The following PAQR8 variants were observed in gnomAD, a reference collection of about 807,000 sequenced individuals.
PAQR8 encodes progestin and adipoQ receptor family member 8.
Under a neutral mutation model 25.2 loss-of-function variants are expected in PAQR8, and 17 were observed. The observed-to-expected ratio is 0.67, with a 90% CI of 0.46 to 1.01. PAQR8 has a LOEUF of 1.01. Ranked by LOEUF, PAQR8 falls within the 50% of genes least tolerant of loss-of-function variation. The probability of loss-of-function intolerance (pLI) is 0.00; values close to 1 mark genes in which losing one functional copy is unlikely to be tolerated. For missense variants in PAQR8, 392 were observed against 448.4 expected (o/e 0.87, Z 1.14); for synonymous variants, 204 against 190.6 (o/e 1.07, Z -0.58).
At chr6:52,366,154 A>G (rs1763349331) in intron 1 of PAQR8, among the ~76,000 whole-genome samples, 1 of 151,984 alleles carries the variant, frequency 6.6e-6, no homozygotes, top group East Asian at 1.9e-4. Flanking sequence ...TTTCAAGTTT[A>G]TAAATTTTAT....
Position 52,404,185 on chromosome 6 carries a change from C to A in PAQR8, c.972C>A (p.Cys324Ter). The part of the protein sequence containing the change: ...RHGPLSVHMA[C>*]LSFFFLAACS... ...GACCCCTATCTGTCCACATGGCCTG[C>A]CTCTCCTTCTTCTTCCTGGCTGCCT... is the stretch of plus-strand genomic sequence containing the variant. Residue 324 changes from cysteine (C) to a stop codon, truncating the protein, a stop_gained, in exon 2 of 2, where the codon TGC becomes TGA. Coordinates refer to ENST00000442253, the MANE Select transcript of PAQR8 (RefSeq NM_133367.5). LOFTEE classifies it high-confidence loss of function. The A allele has an allele frequency of 6.2e-7, 1 of 1,614,030 alleles. No homozygotes were observed. Among genetic ancestry groups the A allele is most frequent in the East Asian group, 2.2e-5 (1 of 44,862 alleles).
At chr6:52,371,250 C>T (rs1228184237) in intron 1 of PAQR8, among the ~76,000 whole-genome samples, 4 of 152,150 alleles carry the variant, frequency 2.6e-5, no homozygotes, top group Non-Finnish European at 5.9e-5. Flanking sequence ...CCAAAGACCA[C>T]TGAAGTCTTT....
chr6:52,403,523 TG>T lies in PAQR8; in HGVS notation c.313del (p.Ala105ArgfsTer47). ...WAFAEAEALP[W>X]ASTHSLPLLL... ...CTTTGCCGAGGCTGAGGCCTTGCCA[TG>T]GGCGTCTACCCACTCCCTGCCTCTG... On this transcript the variant is annotated frameshift_variant, in exon 2 of 2. Transcript: ENST00000442253. LOFTEE classifies it high-confidence loss of function. 6.2e-7 allele frequency: 1 copy of T among 1,614,080 alleles called. No individual in the cohort carries two copies. Among genetic ancestry groups the T allele is most frequent in the East Asian group, 2.2e-5 (1 of 44,884 alleles).
chr6:52,393,333 CTT>C (rs35079265), intron 1 of PAQR8, among the ~76,000 whole-genome samples: 262 of 111,170 alleles, frequency 2.4e-3, no homozygotes, highest in African/African-American at 8.1e-3. Flanking sequence ...CTTTCTCTCT[CTT>C]TTTTTTTTTT....
At chr6:52,387,499 T>C (rs1763646749) in intron 1 of PAQR8, among the ~76,000 whole-genome samples, 1 of 152,224 alleles carries the variant, frequency 6.6e-6, no homozygotes, top group South Asian at 2.1e-4. Context: ...CTAAAATCTT[T>C]GAAAAAATAT....
intron 1 of PAQR8, among the ~76,000 whole-genome samples, chr6:52,393,707 G>C (rs1449963145): frequency 6.6e-6 from 1 of 152,174 alleles, no homozygotes; most frequent in Non-Finnish European, 1.5e-5. Flanking sequence ...TAGGCACAAT[G>C]CTAATGATAA....
intron 1 of PAQR8, among the ~76,000 whole-genome samples, chr6:52,373,089 G>A (rs1414764116): frequency 2.0e-5 from 3 of 152,300 alleles, no homozygotes; most frequent in Admixed American, 1.3e-4. Flanking sequence ...TTGCATTACA[G>A]AATTGGATCC....
At chr6:52,365,176 AGGTAATGCCT>A (rs1483819739) in intron 1 of PAQR8, among the ~76,000 whole-genome samples, 1 of 152,044 alleles carries the variant, frequency 6.6e-6, no homozygotes, top group African/African-American at 2.4e-5. Flanking sequence ...CCCCAGCTGT[AGGTAATGCCT>A]GGTGCTTGAT....
intron 1 of PAQR8, among the ~76,000 whole-genome samples, chr6:52,365,973 A>T (rs551411876): frequency 6.6e-6 from 1 of 152,300 alleles, no homozygotes; most frequent in African/African-American, 2.4e-5. Flanking sequence ...TGAAAATATT[A>T]TTCTAACGAA....
intron 1 of PAQR8, among the ~76,000 whole-genome samples, chr6:52,399,566 A>G (rs981872580): frequency 1.3e-5 from 2 of 152,242 alleles, no homozygotes; most frequent in African/African-American, 4.8e-5. Context: ...GGATGCAGGA[A>G]TCGTCTGATT....
In PAQR8 at chr6:52,403,981, G is replaced by A. The variant is rs749354910; in HGVS notation, c.768G>A (p.Leu256=). ...ACACCCTCCAGATCCTCTTCTTCCT[G>A]GTTAGCGCTTATTTCTTCTCCTGCC... ...WYHTLQILFF[L]VSAYFFSCPV... is the part of the protein sequence containing the mutation. The change falls in exon 2 of 2, where the codon CTG becomes CTA. Residue 256 remains leucine (L), a synonymous_variant. Coordinates refer to ENST00000442253, the MANE Select transcript of PAQR8 (RefSeq NM_133367.5). 3.1e-6 allele frequency: 5 copies of A among 1,614,202 alleles called. No homozygotes were observed. The highest frequency in any genetic ancestry group is 4.5e-5 in the East Asian group (2 of 44,892).
intron 1 of PAQR8, among the ~76,000 whole-genome samples, chr6:52,388,086 T>C (rs937278147): frequency 6.6e-6 from 1 of 152,144 alleles, no homozygotes; most frequent in Non-Finnish European, 1.5e-5. Flanking sequence ...GTAAAAATAA[T>C]AGAAATAGGC....
Position 52,404,190 on chromosome 6 carries a change from C to G in PAQR8, c.977C>G (p.Ser326Cys), listed in dbSNP as rs1562435632. Residue 326 changes from serine (S) to cysteine (C), a missense_variant, in exon 2 of 2, where the codon TCC becomes TGC. Physicochemically the swap from Ser to Cys is moderately radical, Grantham distance 112 (BLOSUM62 -1). Transcript: ENST00000442253. ...CTATCTGTCCACATGGCCTGCCTCT[C>G]CTTCTTCTTCCTGGCTGCCTGCAGT... ...GPLSVHMACL[S>C]FFFLAACSAA... The G allele has an allele frequency of 1.2e-6, 2 of 1,613,994 alleles. No individual in the cohort carries two copies. The highest frequency in any genetic ancestry group is 1.1e-5 in the South Asian group (1 of 91,032).
At chr6:52,373,385 G>A (rs574171198) in intron 1 of PAQR8, among the ~76,000 whole-genome samples, 1 of 152,320 alleles carries the variant, frequency 6.6e-6, no homozygotes, top group African/African-American at 2.4e-5. Flanking sequence ...TAGCTGCCAA[G>A]GGAACTAAAA....
chr6:52,367,980 G>A (rs917480466), intron 1 of PAQR8, among the ~76,000 whole-genome samples: 1 of 152,156 alleles, frequency 6.6e-6, no homozygotes, highest in Admixed American at 6.5e-5. Flanking sequence ...TGTAATCCCA[G>A]CACTTTGGGA....
rs1055691570 is a variant in PAQR8, at chr6:52,384,349, G to C, written c.-52-18813G>C. Among the ~76,000 whole-genome samples the C allele has an allele frequency of 7.9e-5, 12 of 152,212 alleles. No homozygotes were observed. In the East Asian group the frequency reaches 2.3e-3, roughly 29 times the overall value. The stretch of plus-strand genomic sequence containing the variant: ...TACCTGGTGAGGGAAAAAATGAAAG[G>C]TGTAATCAAGGTGGGGCCAGGCAGG... On this transcript the variant is annotated intron_variant, in intron 1 of 1. Transcript: ENST00000442253.
intron 1 of PAQR8, among the ~76,000 whole-genome samples, chr6:52,381,676 C>G (rs1293224410): frequency 1.3e-5 from 2 of 152,150 alleles, no homozygotes; most frequent in Non-Finnish European, 2.9e-5. Flanking sequence ...TCTTATCCAC[C>G]CAATGTTTGA....
At chr6:52,364,081 A>ACGTTTTTTT (rs1763321812) in intron 1 of PAQR8, among the ~76,000 whole-genome samples, 2 of 39,032 alleles carry the variant, frequency 5.1e-5, no homozygotes, top group Admixed American at 4.0e-4. Flanking sequence ...ATTGAAAGAT[A>ACGTTTTTTT]TGTTTTTTTT....
chr6:52,374,049 T>TA (rs1335491428), intron 1 of PAQR8, among the ~76,000 whole-genome samples: 1 of 152,170 alleles, frequency 6.6e-6, no homozygotes, highest in East Asian at 1.9e-4. Context: ...CTCCCTCTCT[T>TA]ACTCCTGTTC....
Sources: allele counts gnomAD v4.1 joint callset (sites outside exome capture counted in the v4.1 genomes callset), GRCh38; gene constraint gnomAD v4.1.1; transcripts MANE v1.5; gene names NCBI Gene and HGNC (gene_info 2026-07-23, HGNC 2026-07-21).